Variants in SPOCK3 observed in about 807,000 individuals in gnomAD.
SPOCK3 encodes the protein SPARC (osteonectin), cwcv and kazal like domains proteoglycan 3, also known as testican-3.
In SPOCK3, 30 loss-of-function variants were observed where a neutral mutation model predicts 56.6. The observed-to-expected ratio is 0.53, with a 90% confidence interval of 0.40 to 0.72. SPOCK3 has a LOEUF of 0.72. Ranked by LOEUF, SPOCK3 falls within the 30% of genes least tolerant of loss-of-function variation. The pLI is 0.00. For synonymous variants in SPOCK3, 196 were observed against 183.3 expected, an observed-to-expected ratio of 1.07 and a Z score of -0.56; for missense variants, 527 against 530.0, an observed-to-expected ratio of 0.99 and a Z score of 0.06.
chr4:166,852,152 T>C (rs1323005149), intron 6 of SPOCK3, among the ~76,000 whole-genome samples: 3 of 149,820 alleles, frequency 2.0e-5, no homozygotes, highest in Non-Finnish European at 3.0e-5. Context: ...TGTTGTGGGT[T>C]GTGGGGAGGG....
intron 4 of SPOCK3, among the ~76,000 whole-genome samples, chr4:166,995,398 T>G (rs1474035609): frequency 6.6e-6 from 1 of 152,036 alleles, no homozygotes; most frequent in African/African-American, 2.4e-5. Context: ...AAGTAATTAA[T>G]TTTAAAAACT....
chr4:166,765,685 C>T (rs1370489289), intron 7 of SPOCK3, among the ~76,000 whole-genome samples: 4 of 152,064 alleles, frequency 2.6e-5, no homozygotes, highest in South Asian at 2.1e-4. Context: ...TTTTTGGTTC[C>T]GTATGAACTT....
At chr4:166,849,860 G>A (rs780950083) in intron 6 of SPOCK3, among the ~76,000 whole-genome samples, 1 of 152,112 alleles carries the variant, frequency 6.6e-6, no homozygotes, top group Non-Finnish European at 1.5e-5. Flanking sequence ...TTCTGGGACT[G>A]GCATTAGCAT....
At chr4:166,969,835 A>G (rs1373188557) in intron 4 of SPOCK3, among the ~76,000 whole-genome samples, 2 of 152,146 alleles carry the variant, frequency 1.3e-5, no homozygotes, top group Admixed American at 6.5e-5. Context: ...TAATTCAACA[A>G]TTGGACATAC....
chr4:166,975,380 A>G (rs1745834924), intron 4 of SPOCK3, among the ~76,000 whole-genome samples: 1 of 152,120 alleles, frequency 6.6e-6, no homozygotes. Context: ...TTTTATGGGT[A>G]CAGAGGTGGC....
intron 4 of SPOCK3, among the ~76,000 whole-genome samples, chr4:166,954,170 T>C (rs529703216): frequency 2.6e-5 from 4 of 152,314 alleles, no homozygotes; most frequent in South Asian, 2.1e-4. Context: ...CCTTTTATAA[T>C]AGGTTGGTGC....
At chr4:166,740,203 G>A (rs1734687649) in intron 9 of SPOCK3, among the ~76,000 whole-genome samples, 1 of 151,994 alleles carries the variant, frequency 6.6e-6, no homozygotes, top group Admixed American at 6.6e-5. Context: ...TATAACAAGT[G>A]ATCAATTTCA....
intron 2 of SPOCK3, among the ~76,000 whole-genome samples, chr4:167,220,759 A>G (rs900986772): frequency 2.0e-5 from 3 of 152,164 alleles, no homozygotes; most frequent in Admixed American, 6.6e-5. Context: ...AAAAAAGGTC[A>G]GTAATAAAAA....
At chr4:166,976,488 T>G (rs1405691989) in intron 4 of SPOCK3, among the ~76,000 whole-genome samples, 1 of 152,112 alleles carries the variant, frequency 6.6e-6, no homozygotes, top group African/African-American at 2.4e-5. Flanking sequence ...AAACTCTCAG[T>G]CTTGACTTCA....
intron 2 of SPOCK3, among the ~76,000 whole-genome samples, chr4:167,172,211 AATCCAGT>A (rs1215026766): frequency 1.3e-5 from 2 of 152,198 alleles, no homozygotes; most frequent in Non-Finnish European, 2.9e-5. Flanking sequence ...TGTGCCTACA[AATCCAGT>A]ATTGCTGATG....
At chr4:167,213,005 G>A (rs367923484) in intron 2 of SPOCK3, among the ~76,000 whole-genome samples, 56 of 152,266 alleles carry the variant, frequency 3.7e-4, no homozygotes, top group South Asian at 1.2e-3. Context: ...CCACTACCCC[G>A]TCTGTAGTGA....
intron 2 of SPOCK3, among the ~76,000 whole-genome samples, chr4:167,109,617 A>G (rs1760722108): frequency 7.0e-6 from 1 of 141,946 alleles, no homozygotes; most frequent in African/African-American, 2.6e-5. Flanking sequence ...ACAAAAATTA[A>G]AAATAAAGTT....
intron 4 of SPOCK3, among the ~76,000 whole-genome samples, chr4:166,998,511 A>G (rs1244124004): frequency 6.6e-6 from 1 of 152,180 alleles, no homozygotes; most frequent in Non-Finnish European, 1.5e-5. Context: ...CGATCAGTAC[A>G]GATTAGAATT....
intron 3 of SPOCK3, among the ~76,000 whole-genome samples, chr4:167,028,493 TG>T (rs1751939829): frequency 6.6e-6 from 1 of 152,196 alleles, no homozygotes; most frequent in Non-Finnish European, 1.5e-5. Context: ...GGGCCAAGTA[TG>T]GAGCTACAGA....
chr4:167,148,375 C>T (rs758029157), intron 2 of SPOCK3, among the ~76,000 whole-genome samples: 12 of 152,192 alleles, frequency 7.9e-5, no homozygotes, highest in African/African-American at 2.9e-4. Flanking sequence ...TTTCTATTAT[C>T]ATCTGGTCAG....
chr4:166,908,044 T>C (rs1736816924), intron 5 of SPOCK3, among the ~76,000 whole-genome samples: 1 of 151,992 alleles, frequency 6.6e-6, no homozygotes, highest in Non-Finnish European at 1.5e-5. Flanking sequence ...AAGTATAACA[T>C]ACCAAACTTC....
chr4:167,196,669 G>A (rs976506240), intron 2 of SPOCK3, among the ~76,000 whole-genome samples: 9 of 152,046 alleles, frequency 5.9e-5, no homozygotes, highest in African/African-American at 2.2e-4. Flanking sequence ...CTAGAGTTCA[G>A]GGTTCTCTTC....
At position 167,123,164 on chromosome 4, in the gene SPOCK3, GA is replaced by G. The variant is rs201291507; in HGVS notation, c.190-60628del. 3.2e-3 allele frequency among the ~76,000 whole-genome samples: 487 copies of G among 151,914 alleles called. 1 individual carries two copies. The highest frequency in any genetic ancestry group is 0.011 in the African/African-American group (459 of 41,454). Reference sequence around the variant, plus strand: ...AGGCAAATAAAATTACAAGAACATAGAAAAGTTGAATAATGTTTAAAGTGAT... The same window carrying G: ...AGGCAAATAAAATTACAAGAACATAGAAAGTTGAATAATGTTTAAAGTGAT... On this transcript the variant is annotated intron_variant, in intron 2 of 10. Coordinates refer to ENST00000357545, the MANE Select transcript of SPOCK3 (RefSeq NM_001040159.2).
intron 2 of SPOCK3, among the ~76,000 whole-genome samples, chr4:167,223,830 T>C (rs1322378961): frequency 1.3e-5 from 2 of 152,100 alleles, no homozygotes; most frequent in African/African-American, 4.8e-5. Flanking sequence ...TTGCATGTGA[T>C]ATGCTGTATT....
Sources: gnomAD v4.1 joint callset for allele counts (sites outside exome capture counted in the v4.1 genomes callset) on GRCh38, gnomAD v4.1.1 for gene constraint, MANE v1.5 for transcripts, NCBI Gene and HGNC (gene_info 2026-07-23, HGNC 2026-07-21) for gene names.